Variants in MAP3K5 observed in about 807,000 individuals in gnomAD.
The protein encoded by MAP3K5 is mitogen-activated protein kinase kinase kinase 5, also known as ASK-1.
In MAP3K5, 56 loss-of-function variants were observed where a neutral mutation model predicts 158.7. The ratio of observed to expected loss-of-function variants is 0.35; its 90% CI spans 0.28 to 0.44. The LOEUF (loss-of-function observed/expected upper bound fraction) is 0.44. Ranked by LOEUF, MAP3K5 falls within the 20% of genes least tolerant of loss-of-function variation. The pLI is 1.00. For synonymous variants in MAP3K5, 579 were observed against 601.7 expected, an observed-to-expected ratio of 0.96 and a Z score of 0.55; for missense variants, 1,294 against 1,674.8, an observed-to-expected ratio of 0.77 and a Z score of 3.97.
intron 15 of MAP3K5, among the ~76,000 whole-genome samples, chr6:136,615,092 T>C (rs571350270): frequency 6.6e-6 from 1 of 152,350 alleles, no homozygotes; most frequent in African/African-American, 2.4e-5. Context: ...TAAAGCTTTA[T>C]AGACTCTTAA....
intron 7 of MAP3K5, among the ~76,000 whole-genome samples, chr6:136,685,282 C>T (rs555824209): frequency 7.1e-4 from 108 of 152,276 alleles, no homozygotes; most frequent in African/African-American, 2.5e-3. Flanking sequence ...TGTACCCCTG[C>T]ACTTGAGCCT....
intron 2 of MAP3K5, among the ~76,000 whole-genome samples, chr6:136,705,602 G>A (rs529125407): frequency 3.3e-5 from 5 of 152,216 alleles, no homozygotes; most frequent in East Asian, 1.9e-4. Context: ...CACGATGCCC[G>A]GCCTAAAAAG....
chr6:136,611,413 A>G (rs1776339188), intron 17 of MAP3K5, 26 bp from the exon 18 acceptor site: 1 of 1,304,676 alleles, frequency 7.7e-7, no homozygotes, highest in Non-Finnish European at 1.1e-6. Context: ...CTTTAATCAC[A>G]ATTGTTATCT....
At chr6:136,710,491 T>TA (rs998831511) in intron 2 of MAP3K5, among the ~76,000 whole-genome samples, 127 of 147,350 alleles carry the variant, frequency 8.6e-4, no homozygotes, top group African/African-American at 2.8e-3. Flanking sequence ...GGAGCAAGAC[T>TA]AAAAAAAAAA....
intron 1 of MAP3K5, among the ~76,000 whole-genome samples, chr6:136,750,309 C>T (rs140780420): frequency 0.015 from 2,244 of 152,298 alleles, 53 homozygotes; most frequent in African/African-American, 0.051. Context: ...AACTCCTGGC[C>T]TCAAGTGATC....
At chr6:136,711,710 A>T (rs1354985927) in intron 2 of MAP3K5, among the ~76,000 whole-genome samples, 1 of 151,758 alleles carries the variant, frequency 6.6e-6, no homozygotes, top group African/African-American at 2.4e-5. Flanking sequence ...AAAAGAAAAT[A>T]CCTTCTATCT....
intron 26 of MAP3K5, among the ~76,000 whole-genome samples, chr6:136,565,998 T>G (rs1384077681): frequency 1.3e-5 from 2 of 152,204 alleles, no homozygotes; most frequent in African/African-American, 4.8e-5. Flanking sequence ...TACTAGTCTT[T>G]TCAACAGAGA....
At chr6:136,593,731 A>G in intron 21 of MAP3K5, 2 of 417,092 alleles carry the variant, frequency 4.8e-6, no homozygotes, top group Non-Finnish European at 9.3e-6. Flanking sequence ...AAAAAAAAAA[A>G]AGAAAGTGGT....
intron 26 of MAP3K5, among the ~76,000 whole-genome samples, chr6:136,563,357 A>G (rs1461977297): frequency 6.6e-5 from 10 of 152,360 alleles, no homozygotes; most frequent in African/African-American, 2.4e-4. Context: ...TAATTTCATA[A>G]TCAATGCAAA....
intron 1 of MAP3K5, among the ~76,000 whole-genome samples, chr6:136,779,959 ACAGGTCCTTTAAGT>A (rs1784550554): frequency 6.6e-6 from 1 of 152,214 alleles, no homozygotes; most frequent in South Asian, 2.1e-4. Context: ...AGCAGAGACA[ACAGGTCCTTTAAGT>A]CAGGTTGAGT....
At chr6:136,752,155 C>G (rs1783239308) in intron 1 of MAP3K5, among the ~76,000 whole-genome samples, 1 of 152,212 alleles carries the variant, frequency 6.6e-6, no homozygotes, top group African/African-American at 2.4e-5. Context: ...GAGTTAGCAT[C>G]TACCCTGTCC....
chr6:136,730,174 G>GT (rs11347384), intron 1 of MAP3K5, among the ~76,000 whole-genome samples: 5,036 of 71,082 alleles, frequency 0.071, 98 homozygotes, highest in Non-Finnish European at 0.13. Context: ...TTTGTTTTTT[G>GT]TTTTTGTAGA....
At chr6:136,658,304 T>C (rs1337009383) in intron 9 of MAP3K5, among the ~76,000 whole-genome samples, 1 of 124,956 alleles carries the variant, frequency 8.0e-6, no homozygotes, top group Non-Finnish European at 1.6e-5. Flanking sequence ...TTTCTTTCTT[T>C]CTTTCTTTCT....
At chr6:136,711,173 A>T (rs905805893) in intron 2 of MAP3K5, among the ~76,000 whole-genome samples, 1 of 152,192 alleles carries the variant, frequency 6.6e-6, no homozygotes, top group African/African-American at 2.4e-5. Flanking sequence ...TCAAGCTTTA[A>T]AAGAAAAAAA....
At chr6:136,730,140 T>G (rs1311044647) in intron 1 of MAP3K5, among the ~76,000 whole-genome samples, 1 of 145,026 alleles carries the variant, frequency 6.9e-6, no homozygotes, top group Non-Finnish European at 1.5e-5. Flanking sequence ...ACCTGTTTTT[T>G]TGTTGTTTGG....
Position 136,669,358 on chromosome 6 carries a change from AC to A in MAP3K5, c.1290del (p.Gln430HisfsTer28). ...AGGAGGACCGCATAATTAATTCCTG[AC>A]TGTAGTGTTGGCTCAGATTCAAATG... ...KKAFESEPTL[Q>X]SGINYAVLLL... is the part of the protein sequence containing the mutation. On this transcript the variant is annotated frameshift_variant, in exon 8 of 30. Transcript: ENST00000359015. LOFTEE classifies it high-confidence loss of function. 1 of 1,613,464 alleles carries A rather than the reference AC, an allele frequency of 6.2e-7. No homozygotes were observed. Among genetic ancestry groups the A allele is most frequent in the Non-Finnish European group, 8.5e-7 (1 of 1,179,462 alleles).
intron 24 of MAP3K5, among the ~76,000 whole-genome samples, chr6:136,581,618 C>A (rs1774881843): frequency 6.6e-6 from 1 of 152,196 alleles, no homozygotes; most frequent in Admixed American, 6.5e-5. Context: ...GCTCCAGTTG[C>A]TCATGCCTGT....
At chr6:136,610,074 G>T in intron 18 of MAP3K5, among the ~76,000 whole-genome samples, 1 of 152,090 alleles carries the variant, frequency 6.6e-6, no homozygotes, top group Admixed American at 6.5e-5. Flanking sequence ...ATTGAGATGG[G>T]GCCATGTTGC....
intron 8 of MAP3K5, among the ~76,000 whole-genome samples, chr6:136,664,977 T>C (rs1178044848): frequency 6.6e-6 from 1 of 152,062 alleles, no homozygotes; most frequent in South Asian, 2.1e-4. Flanking sequence ...TGCTGTACAC[T>C]TCACAGTTAT....
Sources: gnomAD v4.1 joint callset for allele counts (sites outside exome capture counted in the v4.1 genomes callset) on GRCh38, gnomAD v4.1.1 for gene constraint, MANE v1.5 for transcripts, NCBI Gene and HGNC (gene_info 2026-07-23, HGNC 2026-07-21) for gene names.